Variants in UNC13C observed in about 807,000 individuals in gnomAD.
UNC13C encodes protein unc-13 homolog C.
UNC13C carries 174 observed loss-of-function variants against 245.4 expected under a neutral mutation model. The ratio of observed to expected loss-of-function variants is 0.71; its 90% confidence interval spans 0.63 to 0.80. The LOEUF is 0.80. Ranked by LOEUF, UNC13C falls within the 30% of genes least tolerant of loss-of-function variation. The probability of loss-of-function intolerance (pLI) is 0.00; values close to 1 mark genes in which losing one functional copy is unlikely to be tolerated. For synonymous variants in UNC13C, 992 were observed against 895.1 expected, an observed-to-expected ratio of 1.11 and a Z score of -1.93; for missense variants, 2,829 against 2,602.9, an observed-to-expected ratio of 1.09 and a Z score of -1.89.
chr15:54,090,361 C>G (rs1899498674), intron 2 of UNC13C, among the ~76,000 whole-genome samples: 1 of 151,902 alleles, frequency 6.6e-6, no homozygotes, highest in African/African-American at 2.4e-5. Context: ...TCTCTATCTA[C>G]TACTAAATGT....
the UNC13C span, among the ~76,000 whole-genome samples, chr15:53,860,811 G>A: frequency 3.3e-5 from 5 of 152,088 alleles, no homozygotes; most frequent in African/African-American, 1.2e-4. Context: ...AATTGAGCAT[G>A]GTAGACTATT....
intron 30 of UNC13C, among the ~76,000 whole-genome samples, chr15:54,613,832 C>G (rs903632573): frequency 6.6e-6 from 1 of 151,840 alleles, no homozygotes. Flanking sequence ...CTAGTACGTA[C>G]TAGGAACTGT....
At chr15:53,885,191 G>A in the UNC13C span, among the ~76,000 whole-genome samples, 1 of 152,206 alleles carries the variant, frequency 6.6e-6, no homozygotes, top group Non-Finnish European at 1.5e-5. Context: ...AATTGGAAAA[G>A]CCTCAGAACC....
At chr15:54,127,258 A>G (rs2031105667) in intron 2 of UNC13C, among the ~76,000 whole-genome samples, 1 of 152,214 alleles carries the variant, frequency 6.6e-6, no homozygotes, top group Non-Finnish European at 1.5e-5. Context: ...ATGCACACAT[A>G]TGTTTATTGT....
the UNC13C span, among the ~76,000 whole-genome samples, chr15:53,888,164 C>CT: frequency 6.6e-6 from 1 of 152,158 alleles, no homozygotes; most frequent in Non-Finnish European, 1.5e-5. Context: ...ATTCACATTC[C>CT]CACCAACAGT....
the UNC13C span, among the ~76,000 whole-genome samples, chr15:53,963,489 C>T: frequency 2.0e-5 from 3 of 152,242 alleles, no homozygotes; most frequent in East Asian, 3.9e-4. Flanking sequence ...AAAAGGGTAC[C>T]TGCCTCATTG....
intron 30 of UNC13C, among the ~76,000 whole-genome samples, chr15:54,589,486 A>T (rs1237251090): frequency 6.6e-6 from 1 of 150,462 alleles, no homozygotes; most frequent in African/African-American, 2.4e-5. Flanking sequence ...TTTAGTAGAG[A>T]CAGGATTTCA....
chr15:54,434,719 C>A (rs1248875202), intron 19 of UNC13C, among the ~76,000 whole-genome samples: 2 of 151,936 alleles, frequency 1.3e-5, no homozygotes, highest in Non-Finnish European at 1.5e-5. Context: ...ACAACAAAAG[C>A]CAAAATTGAC....
intron 2 of UNC13C, among the ~76,000 whole-genome samples, chr15:54,066,635 A>T (rs527893264): frequency 6.6e-6 from 1 of 152,278 alleles, no homozygotes; most frequent in Admixed American, 6.5e-5. Context: ...TGAGCCTCAG[A>T]GGTCACGTGT....
chr15:54,095,029 C>T (rs980739397), intron 2 of UNC13C, among the ~76,000 whole-genome samples: 2 of 152,194 alleles, frequency 1.3e-5, no homozygotes, highest in Admixed American at 1.3e-4. Context: ...GACAACCCCA[C>T]ACAGATTCTC....
intron 26 of UNC13C, among the ~76,000 whole-genome samples, chr15:54,537,115 C>T (rs1266503976): frequency 6.6e-6 from 1 of 152,088 alleles, no homozygotes; most frequent in Non-Finnish European, 1.5e-5. Context: ...ATCTGATAAA[C>T]AACTTTAGCA....
At chr15:53,986,397 A>G (rs535847183) in intron 1 of UNC13C, among the ~76,000 whole-genome samples, 38 of 152,154 alleles carry the variant, frequency 2.5e-4, no homozygotes, top group African/African-American at 8.7e-4. Flanking sequence ...TGACACTATA[A>G]GCCTGGATGA....
chr15:54,410,048 A>G (rs918677250), intron 18 of UNC13C, among the ~76,000 whole-genome samples: 17 of 152,146 alleles, frequency 1.1e-4, no homozygotes, highest in Admixed American at 1.0e-3. Flanking sequence ...TTATGTTTTT[A>G]CTTTTCAATG....
intron 30 of UNC13C, among the ~76,000 whole-genome samples, chr15:54,619,610 C>T (rs1900667937): frequency 6.6e-6 from 1 of 152,160 alleles, no homozygotes; most frequent in Non-Finnish European, 1.5e-5. Context: ...ACAGAATTAG[C>T]TTGTGAAGTT....
rs1434909393 is a variant in UNC13C at position 54,243,558 on chromosome 15, T to C, written c.3228+5868T>C. ...TGCCTCTAGATCTTTGAGGAATCTG[T>C]CTTCTACTATGATTGAGCTAATTTA... On this transcript the variant is annotated intron_variant, in intron 7 of 32. Transcript: ENST00000260323. Among the ~76,000 whole-genome samples, 4 of 151,626 alleles carry C rather than the reference T, an allele frequency of 2.6e-5. No individual in the cohort carries two copies. The East Asian group carries it at 7.8e-4, about 29-fold the overall frequency.
chr15:53,976,247 C>T (rs1015102743), upstream of UNC13C, among the ~76,000 whole-genome samples: 1 of 152,090 alleles, frequency 6.6e-6, no homozygotes, highest in Non-Finnish European at 1.5e-5. Flanking sequence ...AAATATATGA[C>T]CAGAATCCTG....
At chr15:54,038,722 T>C (rs1896693513) in intron 2 of UNC13C, among the ~76,000 whole-genome samples, 3 of 152,324 alleles carry the variant, frequency 2.0e-5, no homozygotes, top group South Asian at 4.1e-4. Flanking sequence ...ACCTAACAGT[T>C]CTCTTTGAAT....
chr15:53,891,713 C>T, the UNC13C span, among the ~76,000 whole-genome samples: 1 of 152,030 alleles, frequency 6.6e-6, no homozygotes, highest in Non-Finnish European at 1.5e-5. Flanking sequence ...CATTTGCTTG[C>T]TGAATATTCC....
At chr15:54,588,132 CA>C (rs1229937597) in intron 30 of UNC13C, among the ~76,000 whole-genome samples, 2 of 152,114 alleles carry the variant, frequency 1.3e-5, no homozygotes, top group African/African-American at 4.8e-5. Context: ...CTGCTGGTTG[CA>C]TGGTGAAGCT....
Sources: gnomAD v4.1 joint callset for allele counts (sites outside exome capture counted in the v4.1 genomes callset) on GRCh38, gnomAD v4.1.1 for gene constraint, MANE v1.5 for transcripts, NCBI Gene and HGNC (gene_info 2026-07-23, HGNC 2026-07-21) for gene names.